The following TOM1L1 variants were observed in gnomAD, a reference collection of about 807,000 sequenced individuals.
TOM1L1 encodes the protein target of myb1 like 1 membrane trafficking protein.
Under a neutral mutation model 63.4 loss-of-function variants are expected in TOM1L1, and 64 were observed. The ratio of observed to expected loss-of-function variants is 1.01; its 90% CI spans 0.83 to 1.24. The LOEUF is 1.24. TOM1L1 is among the 50% of genes most tolerant of loss of function. The probability of loss-of-function intolerance (pLI) is 0.00; values close to 1 mark genes in which losing one functional copy is unlikely to be tolerated. For synonymous variants in TOM1L1, 166 were observed against 194.4 expected (o/e 0.85, Z 1.22); for missense variants, 536 against 567.0 (o/e 0.95, Z 0.55).
intron 8 of TOM1L1, chr17:54,930,512 C>T: frequency 3.7e-6 from 1 of 269,856 alleles, no homozygotes; most frequent in Non-Finnish European, 7.1e-6. Context: ...CCAGACCAGC[C>T]CTGACAACAT....
intron 3 of TOM1L1, among the ~76,000 whole-genome samples, chr17:54,910,187 GGTTCATGCCT>G (rs1440913764): frequency 6.6e-6 from 1 of 152,212 alleles, no homozygotes; most frequent in Non-Finnish European, 1.5e-5. Flanking sequence ...CAGGTGCAGT[GGTTCATGCCT>G]GTAATCCCAG....
chr17:54,916,279 A>G (rs768858263), intron 7 of TOM1L1: 9 of 202,506 alleles, frequency 4.4e-5, no homozygotes, highest in Non-Finnish European at 7.9e-5. Flanking sequence ...AACAACAAAC[A>G]TAATGAAGTA....
At chr17:54,958,239 GC>G (rs1174177534) in intron 14 of TOM1L1, 4 of 152,236 alleles carry the variant, frequency 2.6e-5, no homozygotes, top group Admixed American at 2.0e-4. Flanking sequence ...GAAGAACAGT[GC>G]CAGGGGCAGA....
At chr17:54,947,146 T>G (rs974673204) in intron 11 of TOM1L1, 115 bp from the exon 12 acceptor site, 2 of 925,162 alleles carry the variant, frequency 2.2e-6, no homozygotes, top group African/African-American at 3.3e-5. Context: ...AATGACACTT[T>G]ATGCAGTCTG....
intron 7 of TOM1L1, among the ~76,000 whole-genome samples, chr17:54,918,412 GAT>G (rs2048627325): frequency 6.6e-6 from 1 of 152,144 alleles, no homozygotes; most frequent in Non-Finnish European, 1.5e-5. Context: ...ACTGTTAATG[GAT>G]ATGAGTTTGT....
intron 7 of TOM1L1, among the ~76,000 whole-genome samples, chr17:54,924,135 C>G (rs1306032245): frequency 6.6e-6 from 1 of 152,112 alleles, no homozygotes; most frequent in African/African-American, 2.4e-5. Flanking sequence ...TAGCCTACTT[C>G]TGTTTCCGTG....
intron 3 of TOM1L1, among the ~76,000 whole-genome samples, chr17:54,912,071 T>A (rs973771885): frequency 6.6e-6 from 1 of 152,236 alleles, no homozygotes; most frequent in African/African-American, 2.4e-5. Flanking sequence ...CACATTTATA[T>A]ATTTTTCATA....
At chr17:54,920,557 A>C (rs2143810481) in intron 7 of TOM1L1, among the ~76,000 whole-genome samples, 1 of 152,348 alleles carries the variant, frequency 6.6e-6, no homozygotes, top group African/African-American at 2.4e-5. Context: ...CTCAGAGCTC[A>C]CAGCCCCACC....
At chr17:54,944,292 T>A (rs1041095067) in intron 11 of TOM1L1, among the ~76,000 whole-genome samples, 8 of 149,900 alleles carry the variant, frequency 5.3e-5, no homozygotes, top group African/African-American at 2.0e-4. Context: ...TACCAAAAAA[T>A]AGAAAAAATT....
intron 7 of TOM1L1, among the ~76,000 whole-genome samples, chr17:54,921,045 C>T (rs2048675644): frequency 6.6e-6 from 1 of 152,106 alleles, no homozygotes; most frequent in African/African-American, 2.4e-5. Flanking sequence ...AGGGGTTCCA[C>T]CTGAGTATAG....
chr17:54,950,504 C>CA (rs1206539603), intron 14 of TOM1L1, among the ~76,000 whole-genome samples: 4 of 152,050 alleles, frequency 2.6e-5, no homozygotes, highest in Middle Eastern at 3.4e-3. Context: ...TGAACTGATC[C>CA]AAAAAAATCT....
At position 54,938,980 on chromosome 17, in the gene TOM1L1, C is replaced by G. The variant is rs760636317; in HGVS notation, c.1090C>G (p.Gln364Glu). 3.1e-6 allele frequency: 5 copies of G among 1,612,962 alleles called. No individual in the cohort carries two copies. The highest frequency in any genetic ancestry group is 3.4e-6 in the Non-Finnish European group (4 of 1,179,268). ...CAACTTAAAACCCAGTCTTCATCCA[C>G]AGATGAACTTGCTAGCCTTGGAGAA... ...TNNLKPSLHP[Q>E]MNLLALENTE... Residue 364 changes from glutamine to glutamate, a missense_variant, in exon 11 of 16, where the codon CAG (glutamine) becomes GAG (glutamate). Coordinates refer to ENST00000575882, the MANE Select transcript of TOM1L1 (RefSeq NM_005486.3).
chr17:54,945,594 C>A (rs2049105333), intron 11 of TOM1L1, among the ~76,000 whole-genome samples: 1 of 152,018 alleles, frequency 6.6e-6, no homozygotes, highest in Non-Finnish European at 1.5e-5. Flanking sequence ...TTAGATTGGA[C>A]ACTTTCTGTG....
intron 10 of TOM1L1, chr17:54,937,440 A>G: frequency 5.7e-6 from 3 of 530,360 alleles, no homozygotes; most frequent in Non-Finnish European, 1.0e-5. Context: ...CTTGAAACTC[A>G]TCCTACTCAC....
intron 3 of TOM1L1, among the ~76,000 whole-genome samples, chr17:54,907,963 G>A (rs545552714): frequency 9.9e-5 from 15 of 152,200 alleles, no homozygotes; most frequent in South Asian, 6.2e-4. Flanking sequence ...CTGTGACGAC[G>A]GACCAGGGAC....
chr17:54,960,976 C>T (rs1262415234), intron 15 of TOM1L1: 11 of 546,610 alleles, frequency 2.0e-5, no homozygotes, highest in East Asian at 9.3e-5. Flanking sequence ...ACCCATTTAC[C>T]GTTAGTCCTC....
intron 14 of TOM1L1, chr17:54,957,819 AC>A (rs1157272529): frequency 2.6e-5 from 4 of 152,220 alleles, no homozygotes; most frequent in Admixed American, 2.0e-4. Context: ...CTATGACTGG[AC>A]TAATTTATAA....
chr17:54,911,015 A>G (rs187944804), intron 3 of TOM1L1, among the ~76,000 whole-genome samples: 5 of 152,366 alleles, frequency 3.3e-5, no homozygotes, highest in South Asian at 2.1e-4. Flanking sequence ...AGGTGGTAGC[A>G]TGGAAACTAA....
intron 7 of TOM1L1, among the ~76,000 whole-genome samples, chr17:54,929,195 C>T (rs1049094495): frequency 1.3e-5 from 2 of 151,956 alleles, no homozygotes; most frequent in East Asian, 1.9e-4. Context: ...TTTTATGTAC[C>T]TTGGGTTAAT....
Sources: allele counts gnomAD v4.1 joint callset (sites outside exome capture counted in the v4.1 genomes callset), GRCh38; gene constraint gnomAD v4.1.1; transcripts MANE v1.5; gene names NCBI Gene and HGNC (gene_info 2026-07-23, HGNC 2026-07-21).